The following CCDC93 variants were observed in gnomAD, a reference collection of about 807,000 sequenced individuals.
CCDC93 encodes CCC complex scaffolding subunit CCDC93.
A neutral mutation model predicts 108.2 loss-of-function variants in CCDC93; 61 were observed. The ratio of observed to expected loss-of-function variants is 0.56; its 90% CI spans 0.46 to 0.70. The LOEUF (loss-of-function observed/expected upper bound fraction) is 0.70. CCDC93 is among the 30% of genes least tolerant of loss of function. The probability of loss-of-function intolerance (pLI) is 0.00; values close to 1 mark genes in which losing one functional copy is unlikely to be tolerated. For missense variants in CCDC93, 685 were observed against 764.2 expected, an observed-to-expected ratio of 0.90 and a Z score of 1.22; for synonymous variants, 276 against 260.4, an observed-to-expected ratio of 1.06 and a Z score of -0.58.
At chr2:117,966,303 T>C (rs1296179383) in intron 11 of CCDC93, among the ~76,000 whole-genome samples, 1 of 152,226 alleles carries the variant, frequency 6.6e-6, no homozygotes. Flanking sequence ...TAGGATTTTA[T>C]ACACTGATGG....
At chr2:117,989,069 C>T (rs972998798) in intron 6 of CCDC93, among the ~76,000 whole-genome samples, 1 of 152,204 alleles carries the variant, frequency 6.6e-6, no homozygotes, top group African/African-American at 2.4e-5. Flanking sequence ...AGTTGACCAG[C>T]ACAAACTCAA....
At chr2:117,928,398 C>G (rs992288148) in intron 23 of CCDC93, among the ~76,000 whole-genome samples, 4 of 152,080 alleles carry the variant, frequency 2.6e-5, no homozygotes, top group African/African-American at 9.7e-5. Flanking sequence ...CTACAATGAA[C>G]TCAAAACAAA....
intron 12 of CCDC93, among the ~76,000 whole-genome samples, chr2:117,955,603 AC>A (rs1679192712): frequency 6.6e-6 from 1 of 152,210 alleles, no homozygotes; most frequent in African/African-American, 2.4e-5. Flanking sequence ...AAGCTATGTG[AC>A]TACAGACAGC....
intron 12 of CCDC93, among the ~76,000 whole-genome samples, chr2:117,956,085 C>G (rs1253054642): frequency 6.6e-6 from 1 of 152,192 alleles, no homozygotes; most frequent in African/African-American, 2.4e-5. Context: ...GGAACACAGA[C>G]TCTGAGCAAG....
At chr2:117,925,722 T>C (rs1276672763) in intron 23 of CCDC93, among the ~76,000 whole-genome samples, 2 of 152,068 alleles carry the variant, frequency 1.3e-5, no homozygotes, top group African/African-American at 2.4e-5. Flanking sequence ...GACAGAAAGA[T>C]AACAAGGATA....
intron 11 of CCDC93, among the ~76,000 whole-genome samples, chr2:117,968,338 T>G (rs898345596): frequency 6.6e-6 from 1 of 152,156 alleles, no homozygotes; most frequent in Non-Finnish European, 1.5e-5. Context: ...GAGTAATAGA[T>G]TCTTCTTCCC....
chr2:117,986,660 T>C (rs2288102), intron 6 of CCDC93, among the ~76,000 whole-genome samples: 6,145 of 152,284 alleles, frequency 0.04, 216 homozygotes, highest in South Asian at 0.13. Context: ...GTTAACTTTA[T>C]TATTTTACTT....
chr2:117,938,126 G>C (rs908214762), intron 20 of CCDC93, among the ~76,000 whole-genome samples: 4 of 152,158 alleles, frequency 2.6e-5, no homozygotes, highest in East Asian at 3.9e-4. Context: ...CATGTGTAAG[G>C]AACTTTACAT....
chr2:117,948,410 TAC>T (rs1678944242), intron 14 of CCDC93, among the ~76,000 whole-genome samples: 1 of 152,206 alleles, frequency 6.6e-6, no homozygotes, highest in African/African-American at 2.4e-5. Flanking sequence ...AAGAAAACAT[TAC>T]AGATTCCACA....
intron 6 of CCDC93, 48 bp from the exon 7 acceptor site, chr2:117,986,117 C>G (rs1271413875): frequency 9.1e-7 from 1 of 1,104,296 alleles, no homozygotes; most frequent in Admixed American, 1.9e-5. Flanking sequence ...AGGCTCTCCT[C>G]CTGAATTGGC....
rs180842481 is a variant in CCDC93, at chr2:117,995,430, C to A, written c.519+16G>T. 1 of 1,596,950 alleles carries A rather than the reference C, an allele frequency of 6.3e-7. No individual in the cohort carries two copies. ...TACGCAGGACTCTGACAGAAGAATA[C>A]GGCCAGGGGACTTACTGAGAGGTCC... is the stretch of plus-strand genomic sequence containing the variant. On this transcript the variant is annotated intron_variant, in intron 6 of 23. Transcript: ENST00000376300.
chr2:117,927,788 G>T (rs1678173494), intron 23 of CCDC93, among the ~76,000 whole-genome samples: 1 of 152,084 alleles, frequency 6.6e-6, no homozygotes, highest in South Asian at 2.1e-4. Flanking sequence ...CCAAAAAACA[G>T]CCCCCAATGC....
chr2:117,927,209 C>A (rs1328621195), intron 23 of CCDC93, among the ~76,000 whole-genome samples: 3 of 152,104 alleles, frequency 2.0e-5, no homozygotes, highest in African/African-American at 7.2e-5. Flanking sequence ...AAAACTGGCA[C>A]AAGACAGGGA....
chr2:117,984,285 T>C (rs1680247710), intron 7 of CCDC93, among the ~76,000 whole-genome samples: 1 of 152,172 alleles, frequency 6.6e-6, no homozygotes, highest in South Asian at 2.1e-4. Flanking sequence ...GAAGTCAGCA[T>C]GACCATACCA....
chr2:117,989,767 T>C (rs1680423226), intron 6 of CCDC93, among the ~76,000 whole-genome samples: 1 of 152,194 alleles, frequency 6.6e-6, no homozygotes, highest in Non-Finnish European at 1.5e-5. Context: ...TGACATATAG[T>C]AAGGGCTAAG....
intron 8 of CCDC93, 134 bp from the exon 9 acceptor site, chr2:117,975,414 T>C (rs542113270): frequency 4.7e-5 from 31 of 657,450 alleles, no homozygotes; most frequent in Admixed American, 2.1e-4. Context: ...AGAGAGTGGA[T>C]ACTCCAAACG....
At chr2:117,945,358 G>A (rs1327565367) in intron 17 of CCDC93, among the ~76,000 whole-genome samples, 171 bp downstream of exon 17, 1 of 152,204 alleles carries the variant, frequency 6.6e-6, no homozygotes, top group African/African-American at 2.4e-5. Context: ...GTGAGACCCT[G>A]CCTCCATCTG....
At chr2:117,940,735 T>C (rs1451577527) in intron 19 of CCDC93, among the ~76,000 whole-genome samples, 1 of 152,162 alleles carries the variant, frequency 6.6e-6, no homozygotes, top group African/African-American at 2.4e-5. Context: ...TCATGAGACA[T>C]GATCTCTTAT....
intron 3 of CCDC93, 140 bp from the exon 4 acceptor site, chr2:118,001,072 A>G (rs985066718): frequency 1.7e-6 from 1 of 589,216 alleles, no homozygotes; most frequent in Non-Finnish European, 3.0e-6. Context: ...TTTCTCCTAG[A>G]TGACTGCAAA....
Sources: allele counts gnomAD v4.1 joint callset (sites outside exome capture counted in the v4.1 genomes callset), GRCh38; gene constraint gnomAD v4.1.1; transcripts MANE v1.5; gene names NCBI Gene and HGNC (gene_info 2026-07-23, HGNC 2026-07-21).